Variants in SNX24 observed in about 807,000 individuals in gnomAD.
The protein encoded by SNX24 is sorting nexin-24.
In SNX24, 22 loss-of-function variants were observed where a neutral mutation model predicts 28.7. That is an observed-to-expected ratio of 0.77 (90% CI 0.55 to 1.10). SNX24 has a LOEUF of 1.10. Among genes scored for constraint, SNX24 ranks in the 50% least tolerant of loss-of-function variants. The probability of loss-of-function intolerance (pLI) is 0.00; values close to 1 mark genes in which losing one functional copy is unlikely to be tolerated. For missense variants in SNX24, 221 were observed against 201.1 expected (o/e 1.10, Z -0.60); for synonymous variants, 69 against 71.5 (o/e 0.96, Z 0.18).
intron 3 of SNX24, among the ~76,000 whole-genome samples, chr5:122,989,821 G>A (rs927308436): frequency 6.6e-6 from 1 of 152,184 alleles, no homozygotes; most frequent in African/African-American, 2.4e-5. Flanking sequence ...TCATTTCAAT[G>A]TTAGATTTGG....
intron 2 of SNX24, among the ~76,000 whole-genome samples, chr5:122,943,175 T>G (rs897496289): frequency 4.6e-5 from 7 of 152,238 alleles, no homozygotes; most frequent in African/African-American, 1.7e-4. Flanking sequence ...ATTCCCCTCC[T>G]TCTCTCTCCC....
At chr5:123,015,760 AAAAG>A (rs1762668318) in intron 5 of SNX24, among the ~76,000 whole-genome samples, 1 of 152,164 alleles carries the variant, frequency 6.6e-6, no homozygotes, top group Non-Finnish European at 1.5e-5. Flanking sequence ...TTTTAATTAA[AAAAG>A]AAAAAAAAAC....
At chr5:122,983,761 T>C (rs1761484612) in intron 3 of SNX24, among the ~76,000 whole-genome samples, 1 of 141,532 alleles carries the variant, frequency 7.1e-6, no homozygotes, top group Admixed American at 6.9e-5. Context: ...TGTGCAACCA[T>C]GCCCTGTTAA....
chr5:122,914,697 G>T (rs1294484545), intron 1 of SNX24, among the ~76,000 whole-genome samples: 3 of 151,366 alleles, frequency 2.0e-5, no homozygotes, highest in Non-Finnish European at 4.4e-5. Flanking sequence ...GGTGTTTGTA[G>T]TATTCTCTGA....
intron 3 of SNX24, among the ~76,000 whole-genome samples, chr5:122,987,724 C>T (rs1424734533): frequency 6.6e-6 from 1 of 152,108 alleles, no homozygotes; most frequent in Non-Finnish European, 1.5e-5. Flanking sequence ...TCAGAAAGTA[C>T]TGGGTCAGTA....
intron 3 of SNX24, among the ~76,000 whole-genome samples, chr5:122,988,593 C>T (rs1238042664): frequency 6.6e-6 from 1 of 152,098 alleles, no homozygotes; most frequent in Admixed American, 6.5e-5. Flanking sequence ...CTAAATTATT[C>T]CCTGTGGCTC....
At chr5:122,932,978 A>G (rs893268000) in intron 1 of SNX24, among the ~76,000 whole-genome samples, 2 of 151,982 alleles carry the variant, frequency 1.3e-5, no homozygotes, top group Non-Finnish European at 2.9e-5. Context: ...TTAGTACATT[A>G]GAGGGGTGAA....
chr5:122,863,305 G>A (rs528968667), intron 1 of SNX24, among the ~76,000 whole-genome samples: 1 of 152,218 alleles, frequency 6.6e-6, no homozygotes, highest in Admixed American at 6.5e-5. Flanking sequence ...CTTTTAGGCA[G>A]AAGGAGCAGT....
rs78642459 is a variant in SNX24 at position 122,949,711 on chromosome 5, G to T, written c.249+3552G>T. ...GGAGATTAAAAACAATAGTATGAAGGTTACATAAGTGAGTTTTAATTTTTT... is the reference window on the plus strand; with the variant it reads ...GGAGATTAAAAACAATAGTATGAAGTTTACATAAGTGAGTTTTAATTTTTT... On this transcript the variant is annotated intron_variant, in intron 3 of 6. Coordinates refer to ENST00000261369, the MANE Select transcript of SNX24 (RefSeq NM_014035.4). Among the ~76,000 whole-genome samples, 981 of 152,132 alleles carry T rather than the reference G, an allele frequency of 6.4e-3. 7 individuals carry two copies. Among genetic ancestry groups the T allele is most frequent in the Middle Eastern group, 0.031 (9 of 292 alleles).
intron 1 of SNX24, among the ~76,000 whole-genome samples, chr5:122,884,744 G>C (rs1292647658): frequency 6.6e-6 from 1 of 152,092 alleles, no homozygotes; most frequent in Non-Finnish European, 1.5e-5. Context: ...GAAATAATAG[G>C]TGTCGAGGAG....
chr5:122,862,391 G>A (rs562573603), intron 1 of SNX24, among the ~76,000 whole-genome samples: 3 of 152,032 alleles, frequency 2.0e-5, no homozygotes, highest in South Asian at 2.1e-4. Flanking sequence ...CGAGGCAGGC[G>A]GATCACGAGG....
chr5:123,025,800 T>C, intron 5 of SNX24: 1 of 1,613,190 alleles, frequency 6.2e-7, no homozygotes, highest in Non-Finnish European at 8.5e-7. Context: ...ATCAATGACT[T>C]TTCCAAACAC....
chr5:122,984,380 G>A (rs909883037), intron 3 of SNX24, among the ~76,000 whole-genome samples: 2 of 152,088 alleles, frequency 1.3e-5, no homozygotes, highest in Admixed American at 6.5e-5. Context: ...CACAGTTAAT[G>A]GAGCAAAGGA....
chr5:122,950,112 A>G (rs546107704), intron 3 of SNX24, among the ~76,000 whole-genome samples: 1 of 152,358 alleles, frequency 6.6e-6, no homozygotes, highest in East Asian at 1.9e-4. Flanking sequence ...AGTAGAATTA[A>G]GTATAACAGT....
At chr5:122,982,571 C>T (rs1761438181) in intron 3 of SNX24, among the ~76,000 whole-genome samples, 2 of 152,170 alleles carry the variant, frequency 1.3e-5, no homozygotes, top group Non-Finnish European at 2.9e-5. Flanking sequence ...ATTGAGAAAG[C>T]TACTGTGGCA....
At chr5:122,852,060 G>A (rs1277093401) in intron 1 of SNX24, among the ~76,000 whole-genome samples, 1 of 151,138 alleles carries the variant, frequency 6.6e-6, no homozygotes, top group East Asian at 1.9e-4. Flanking sequence ...TGGTACTGTA[G>A]TGCTATTTTA....
intron 5 of SNX24, chr5:123,025,859 C>T (rs1294361134): frequency 6.2e-7 from 1 of 1,614,150 alleles, no homozygotes; most frequent in Non-Finnish European, 8.5e-7. Context: ...TGATAAAGAA[C>T]TGAGAGCCAT....
chr5:122,881,767 T>C (rs944901609), intron 1 of SNX24, among the ~76,000 whole-genome samples: 3 of 149,782 alleles, frequency 2.0e-5, no homozygotes, highest in Non-Finnish European at 4.4e-5. Flanking sequence ...ATATATAAAA[T>C]TATGATAAAT....
intron 1 of SNX24, among the ~76,000 whole-genome samples, chr5:122,885,311 A>G (rs1014118352): frequency 2.6e-5 from 4 of 152,194 alleles, no homozygotes; most frequent in Middle Eastern, 3.4e-3. Flanking sequence ...CCTGTTGCCC[A>G]CAGCCTAGCC....
Sources: gnomAD v4.1 joint callset for allele counts (sites outside exome capture counted in the v4.1 genomes callset) on GRCh38, gnomAD v4.1.1 for gene constraint, MANE v1.5 for transcripts, NCBI Gene and HGNC (gene_info 2026-07-23, HGNC 2026-07-21) for gene names.